The following ADGRA3 variants were observed in gnomAD, a reference collection of about 807,000 sequenced individuals.
The protein encoded by ADGRA3 is G-protein coupled receptor 125.
A neutral mutation model predicts 119.8 loss-of-function variants in ADGRA3; 56 were observed. The observed-to-expected ratio is 0.47, with a 90% CI of 0.38 to 0.58. ADGRA3 has a LOEUF of 0.58. ADGRA3 is among the 20% of genes least tolerant of loss of function. The pLI, the probability that ADGRA3 is intolerant of heterozygous loss-of-function variation, is 0.00. For synonymous variants in ADGRA3, 607 were observed against 623.8 expected (o/e 0.97, Z 0.40); for missense variants, 1,516 against 1,649.0 (o/e 0.92, Z 1.40).
At chr4:22,479,132 A>G (rs1027162066) in intron 1 of ADGRA3, among the ~76,000 whole-genome samples, 5 of 152,260 alleles carry the variant, frequency 3.3e-5, no homozygotes, top group East Asian at 1.9e-4. Context: ...CAAAACCACA[A>G]TGAGACACCA....
intron 16 of ADGRA3, among the ~76,000 whole-genome samples, chr4:22,400,306 C>T (rs1714559167): frequency 6.6e-6 from 1 of 152,000 alleles, no homozygotes; most frequent in Non-Finnish European, 1.5e-5. Flanking sequence ...GTATGTCCAT[C>T]AACAACAAAT....
At chr4:22,395,453 C>A (rs1293784375) in intron 16 of ADGRA3, among the ~76,000 whole-genome samples, 2 of 152,204 alleles carry the variant, frequency 1.3e-5, no homozygotes, top group Admixed American at 1.3e-4. Flanking sequence ...CATATTCTTG[C>A]ATGTGATTTC....
At chr4:22,433,623 T>G (rs951357704) in intron 10 of ADGRA3, among the ~76,000 whole-genome samples, 1 of 152,166 alleles carries the variant, frequency 6.6e-6, no homozygotes, top group African/African-American at 2.4e-5. Context: ...GTTGCTCAAG[T>G]TGGGAGGTGA....
chr4:22,443,502 T>C (rs1039999938), intron 6 of ADGRA3, among the ~76,000 whole-genome samples: 3 of 152,146 alleles, frequency 2.0e-5, no homozygotes, highest in Non-Finnish European at 4.4e-5. Context: ...TAGTACTGTA[T>C]CCTAAAGAAT....
In ADGRA3 at chr4:22,387,765, G is replaced by A. The variant is rs771645223; in HGVS notation, c.3906C>T (p.Leu1302=). 5.6e-6 allele frequency: 9 copies of A among 1,614,066 alleles called. No homozygotes were observed. Among genetic ancestry groups the A allele is most frequent in the South Asian group, 2.2e-5 (2 of 91,080 alleles). ...TAACATTGCCAGTGCTATCGGTACCGAGCAAGGGTCCCTCCTGCCCATTGC... is the reference window on the plus strand; with the variant it reads ...TAACATTGCCAGTGCTATCGGTACCAAGCAAGGGTCCCTCCTGCCCATTGC... ...IKSNGQEGPL[L]GTDSTGNVRT... The change falls in exon 19 of 19, where the codon CTC becomes CTT. Residue 1302 remains leucine (L), a synonymous_variant. Coordinates refer to ENST00000334304, the MANE Select transcript of ADGRA3 (RefSeq NM_145290.4).
intron 3 of ADGRA3, among the ~76,000 whole-genome samples, chr4:22,460,045 T>C (rs1717386767): frequency 6.6e-6 from 1 of 152,196 alleles, no homozygotes; most frequent in Non-Finnish European, 1.5e-5. Context: ...AAGAGATACA[T>C]TCTTGCACAC....
chr4:22,456,036 G>A (rs563071392), intron 3 of ADGRA3, among the ~76,000 whole-genome samples: 14 of 152,096 alleles, frequency 9.2e-5, no homozygotes, highest in South Asian at 6.2e-4. Flanking sequence ...AGAGAGGTAC[G>A]CATTCTTCGA....
intron 2 of ADGRA3, among the ~76,000 whole-genome samples, chr4:22,469,579 TC>T: frequency 6.6e-6 from 1 of 152,320 alleles, no homozygotes; most frequent in African/African-American, 2.4e-5. Flanking sequence ...TTCTTTGAGT[TC>T]TCAATGTCTC....
intron 5 of ADGRA3, among the ~76,000 whole-genome samples, chr4:22,447,110 G>C (rs1008584704): frequency 1.3e-5 from 2 of 151,794 alleles, no homozygotes; most frequent in African/African-American, 4.8e-5. Context: ...TCATAGGAAG[G>C]GTTATTTTAT....
At chr4:22,422,813 A>C (rs2109038895) in intron 11 of ADGRA3, among the ~76,000 whole-genome samples, 1 of 152,302 alleles carries the variant, frequency 6.6e-6, no homozygotes, top group Middle Eastern at 3.4e-3. Flanking sequence ...AAATGGATCT[A>C]AATGGCGGAG....
intron 3 of ADGRA3, among the ~76,000 whole-genome samples, chr4:22,459,280 G>A (rs931439269): frequency 3.9e-5 from 6 of 152,070 alleles, no homozygotes; most frequent in African/African-American, 1.4e-4. Flanking sequence ...AGAACACATG[G>A]ATACATAGAG....
intron 6 of ADGRA3, among the ~76,000 whole-genome samples, chr4:22,444,073 A>G (rs1716733677): frequency 6.6e-6 from 1 of 152,008 alleles, no homozygotes; most frequent in African/African-American, 2.4e-5. Context: ...CACGTGGCAA[A>G]TATGTTATTT....
intron 12 of ADGRA3, chr4:22,414,412 C>A: frequency 2.2e-6 from 1 of 460,664 alleles, no homozygotes; most frequent in South Asian, 4.2e-5. Context: ...TGACTGATCA[C>A]TGAATTTTTT....
At chr4:22,448,481 A>G (rs1716908610) in intron 4 of ADGRA3, among the ~76,000 whole-genome samples, 1 of 152,220 alleles carries the variant, frequency 6.6e-6, no homozygotes, top group Non-Finnish European at 1.5e-5. Context: ...AACACAGCAG[A>G]GGATGGGATA....
At chr4:22,493,939 T>A (rs1718718947) in intron 1 of ADGRA3, among the ~76,000 whole-genome samples, 2 of 152,054 alleles carry the variant, frequency 1.3e-5, no homozygotes, top group Non-Finnish European at 2.9e-5. Context: ...GCGCGGTGGC[T>A]CACACCTATA....
chr4:22,408,170 A>G (rs982170603), intron 14 of ADGRA3, among the ~76,000 whole-genome samples: 1 of 152,112 alleles, frequency 6.6e-6, no homozygotes. Flanking sequence ...GTCAAATTAC[A>G]GAACTAAATA....
At chr4:22,390,198 G>A (rs1399653535) in intron 17 of ADGRA3, among the ~76,000 whole-genome samples, 1 of 150,784 alleles carries the variant, frequency 6.6e-6, no homozygotes, top group African/African-American at 2.4e-5. Flanking sequence ...ATTAATCTTG[G>A]GTCCTATCAC....
Position 22,420,981 on chromosome 4 carries a change from A to G in ADGRA3, c.1714T>C (p.Ser572Pro), listed in dbSNP as rs1300158966. 2.5e-6 allele frequency: 4 copies of G among 1,614,102 alleles called. No individual in the cohort carries two copies. The highest frequency in any genetic ancestry group is 3.4e-6 in the Non-Finnish European group (4 of 1,180,002). Residue 572 changes from serine to proline, a missense_variant, in exon 12 of 19, where the codon TCG becomes CCG. This residue lies in a region of ADGRA3 where 1,088 missense variants were observed against 1,107.1 expected (regional missense o/e 0.98). Coordinates refer to ENST00000334304, the MANE Select transcript of ADGRA3 (RefSeq NM_145290.4). ...TCTGGATCCCGCCTCCCATAATCCG[A>G]AAGTCCTGTACGATCAGAGGCTGCC... ...KVAASDRTGL[S>P]DYGRRDPEGN...
At chr4:22,404,772 G>GTTGCA (rs1197777906) in intron 14 of ADGRA3, among the ~76,000 whole-genome samples, 1 of 152,188 alleles carries the variant, frequency 6.6e-6, no homozygotes, top group African/African-American at 2.4e-5. Context: ...CCTCAAAATA[G>GTTGCA]TTGCACTCTG....
Sources: gnomAD v4.1 joint callset for allele counts (sites outside exome capture counted in the v4.1 genomes callset) on GRCh38, gnomAD v4.1.1 for gene constraint, gnomAD v4.1.1 regional missense constraint, MANE v1.5 for transcripts, NCBI Gene and HGNC (gene_info 2026-07-23, HGNC 2026-07-21) for gene names.